KCNQ2: variants seen among roughly 807,000 people sequenced by gnomAD.
KCNQ2 encodes potassium voltage-gated channel subfamily KQT member 2.
A neutral mutation model predicts 84.8 loss-of-function variants in KCNQ2; 14 were observed. The ratio of observed to expected loss-of-function variants is 0.17; its 90% CI spans 0.11 to 0.26. KCNQ2 has a LOEUF of 0.26. Ranked by LOEUF, KCNQ2 falls within the 10% of genes least tolerant of loss-of-function variation. KCNQ2 has a pLI of 1.00. For synonymous variants in KCNQ2, 599 were observed against 554.1 expected (o/e 1.08, Z -1.14); for missense variants, 788 against 1,254.0 (o/e 0.63, Z 5.61).
chr20:63,411,123 T>C (rs141428932), intron 15 of KCNQ2: 228 of 411,248 alleles, frequency 5.5e-4, no homozygotes, highest in African/African-American at 4.3e-3. Context: ...TGCTGGCAGC[T>C]TGAAAGCCAG....
Position 63,407,321 on chromosome 20 carries a change from T to A in KCNQ2, c.1942A>T (p.Met648Leu), listed in dbSNP as rs761930903. 6.3e-7 allele frequency: 1 copy of A among 1,596,856 alleles called. No individual in the cohort carries two copies. The highest frequency in any genetic ancestry group is 1.1e-5 in the South Asian group (1 of 90,986). Reference sequence around the variant, plus strand: ...TCGGTCTCTGTCGGGGGGATGCCCATCCGCTGCATGTAGATATTCACCAGG... The same window carrying A: ...TCGGTCTCTGTCGGGGGGATGCCCAACCGCTGCATGTAGATATTCACCAGG... ...DFLVNIYMQR[M>L]GIPPTETEAY... The change falls in exon 17 of 17, where the codon ATG becomes TTG. Residue 648 changes from methionine (M) to leucine (L), a missense_variant. Coordinates refer to ENST00000359125, the MANE Select transcript of KCNQ2 (RefSeq NM_172107.4). This position sits in a 1 kb window ranked among gnomAD's most constrained non-coding sequence, Gnocchi z 7.2.
intron 1 of KCNQ2, chr20:63,470,746 A>G (rs987551215): frequency 2.6e-5 from 4 of 152,154 alleles, no homozygotes; most frequent in African/African-American, 9.7e-5. Flanking sequence ...GTACCGGCCC[A>G]CCAAGAGCCC....
intron 12 of KCNQ2, among the ~76,000 whole-genome samples, chr20:63,417,957 G>A (rs915631868): frequency 2.6e-5 from 4 of 152,090 alleles, no homozygotes; most frequent in East Asian, 1.9e-4. Flanking sequence ...CTGCTGTCCC[G>A]GGTCTCGGGC....
intron 4 of KCNQ2, 125 bp from the exon 5 acceptor site, chr20:63,442,656 C>CCACCATCACCACCACCAT: frequency 1.6e-6 from 1 of 610,672 alleles, no homozygotes. Flanking sequence ...ACCATCACCA[C>CCACCATCACCACCACCAT]CACCATCACC....
chr20:63,426,937 G>C (rs2080650742), intron 10 of KCNQ2, among the ~76,000 whole-genome samples: 1 of 152,172 alleles, frequency 6.6e-6, no homozygotes, highest in Non-Finnish European at 1.5e-5. Flanking sequence ...GAAGTCATCA[G>C]AGGCCGGGCA....
intron 11 of KCNQ2, among the ~76,000 whole-genome samples, chr20:63,420,596 C>T (rs2080438118): frequency 6.6e-6 from 1 of 152,178 alleles, no homozygotes; most frequent in African/African-American, 2.4e-5. Flanking sequence ...TCCCGTCTTC[C>T]TGCGCACACG....
rs529926829 is a variant in KCNQ2 at position 63,401,869 on chromosome 20, C to A, written c.*4775G>T. 4.9e-4 allele frequency: 93 copies of A among 189,034 alleles called. No homozygotes were observed. Among genetic ancestry groups the A allele is most frequent in the Non-Finnish European group, 8.3e-4 (75 of 90,068 alleles). 11.7% of individuals were successfully genotyped at this position (189,034 alleles called of 1,614,324 possible). A position where few individuals can be genotyped will look rare whatever the true frequency, so the allele number is the denominator to read the frequency against. Reference sequence around the variant, plus strand: ...CCATGGCAGGTCCAAGCCTTGTGAACCGTCCCTCTCACACGTCTGCCGGGC... The same window carrying A: ...CCATGGCAGGTCCAAGCCTTGTGAAACGTCCCTCTCACACGTCTGCCGGGC... On this transcript the variant is annotated 3_prime_UTR_variant, in exon 17 of 17. Transcript: ENST00000359125.
In KCNQ2 at chr20:63,414,153, G is replaced by C. The variant is rs2145548165; in HGVS notation, c.1566C>G (p.Ser522Arg). 1 of 1,613,748 alleles carries C rather than the reference G, an allele frequency of 6.2e-7. No homozygotes were observed. Among genetic ancestry groups the C allele is most frequent in the Non-Finnish European group, 8.5e-7 (1 of 1,179,964 alleles). Residue 522 changes from serine (S) to arginine (R), a missense_variant, in exon 14 of 17, where the codon AGC becomes AGG. Ser to Arg is a moderately radical substitution (Grantham distance 110, BLOSUM62 -1). Coordinates refer to ENST00000359125, the MANE Select transcript of KCNQ2 (RefSeq NM_172107.4). This position sits in a 1 kb window ranked among gnomAD's most constrained non-coding sequence, Gnocchi z 6.6. ...CCTCGGTCACAAACTCGCAGGGGCA[G>C]CTCTTGTCATCCACAATGTCCTCTC... is the stretch of plus-strand genomic sequence containing the variant. ...LPGEDIVDDK[S>R]CPCEFVTEDL... is the part of the protein sequence containing the mutation.
chr20:63,424,072 A>C, intron 11 of KCNQ2, 105 bp downstream of exon 11: 1 of 1,303,940 alleles, frequency 7.7e-7, no homozygotes, highest in Non-Finnish European at 1.1e-6. Flanking sequence ...ACGGAAGCAC[A>C]CACAAGGCCC....
chr20:63,413,424 G>C, intron 15 of KCNQ2, 26 bp downstream of exon 15: 1 of 1,612,838 alleles, frequency 6.2e-7, no homozygotes, highest in Non-Finnish European at 8.5e-7. Context: ...CTTGTCCCCT[G>C]CTGGACAGGC....
rs1000590463 is a variant in KCNQ2, at chr20:63,438,504, G to A, written c.1023+121C>T. On this transcript the variant is annotated intron_variant, in intron 7 of 16. Coordinates refer to ENST00000359125, the MANE Select transcript of KCNQ2 (RefSeq NM_172107.4). This position sits in a 1 kb window ranked among gnomAD's most constrained non-coding sequence, Gnocchi z 5.1. Reference sequence around the variant, plus strand: ...CGCTCCTTCCACAGATTCCTGCAGAGGGTGAGCGCTGTGGCCCATCCACAG... The same window carrying A: ...CGCTCCTTCCACAGATTCCTGCAGAAGGTGAGCGCTGTGGCCCATCCACAG... The A allele has an allele frequency of 3.9e-5, 32 of 820,474 alleles. No homozygotes were observed. The highest frequency in any genetic ancestry group is 2.5e-4 in the Admixed American group (14 of 55,234). 50.8% of individuals were successfully genotyped at this position (820,474 alleles called of 1,614,324 possible). A position where few individuals can be genotyped will look rare whatever the true frequency, so the allele number is the denominator to read the frequency against.
chr20:63,408,213 C>T lies in KCNQ2; in HGVS notation c.1887+200G>A. On this transcript the variant is annotated intron_variant, in intron 16 of 16. Coordinates refer to ENST00000359125, the MANE Select transcript of KCNQ2 (RefSeq NM_172107.4). This position sits in a 1 kb window ranked among gnomAD's most constrained non-coding sequence, Gnocchi z 5.0. ...CCTTGGGTACTGTCAGGAGGGAAGG[C>T]ACCCAGGCCGGGGGTGGGAGGCTCA... 1.5e-6 allele frequency: 1 copy of T among 661,270 alleles called. No individual in the cohort carries two copies. Among genetic ancestry groups the T allele is most frequent in the South Asian group, 1.9e-5 (1 of 53,852 alleles). 41.0% of individuals were successfully genotyped at this position (661,270 alleles called of 1,614,324 possible).
chr20:63,428,527 C>G (rs1224723114), intron 9 of KCNQ2, 92 bp from the exon 10 acceptor site: 2 of 1,129,628 alleles, frequency 1.8e-6, no homozygotes, highest in Non-Finnish European at 2.6e-6. Context: ...GGGCAGGCGC[C>G]TGCAGTGTCA....
rs2079984268 is a variant in KCNQ2, at chr20:63,407,463, A to G, written c.1888-88T>C. The stretch of plus-strand genomic sequence containing the variant: ...CTGCTCCCAGGAAATGGGGGGGCCC[A>G]GGCTGGTTCCAGGAAACAGGAGAGA... On this transcript the variant is annotated intron_variant, in intron 16 of 16. Transcript: ENST00000359125. The surrounding 1 kb of genome is among the most constrained non-coding windows in gnomAD (Gnocchi z 7.2). 2.1e-6 allele frequency: 3 copies of G among 1,447,532 alleles called. No homozygotes were observed. Among genetic ancestry groups the G allele is most frequent in the Non-Finnish European group, 2.8e-6 (3 of 1,064,256 alleles). 89.7% of individuals were successfully genotyped at this position (1,447,532 alleles called of 1,614,324 possible). A position where few individuals can be genotyped will look rare whatever the true frequency, so the allele number is the denominator to read the frequency against.
intron 1 of KCNQ2, among the ~76,000 whole-genome samples, chr20:63,463,247 C>T (rs1238212227): frequency 6.6e-6 from 1 of 152,100 alleles, no homozygotes; most frequent in South Asian, 2.1e-4. Flanking sequence ...GGCCACAGAG[C>T]GAGACCCCCA....
chr20:63,465,894 A>G (rs1000493005), intron 1 of KCNQ2, among the ~76,000 whole-genome samples: 14 of 152,140 alleles, frequency 9.2e-5, no homozygotes, highest in African/African-American at 2.7e-4. Context: ...AGGCGGCCTC[A>G]TGGCTGGGCG....
Position 63,406,712 on chromosome 20 carries a change from G to C in KCNQ2, c.2551C>G (p.Pro851Ala). The C allele has an allele frequency of 6.2e-7, 1 of 1,605,464 alleles. No individual in the cohort carries two copies. The highest frequency in any genetic ancestry group is 8.5e-7 in the Non-Finnish European group (1 of 1,177,080). The change falls in exon 17 of 17, where the codon CCC becomes GCC. Residue 851 changes from proline (P) to alanine (A), a missense_variant. Transcript: ENST00000359125. ...TCGCCGGTGGCCGAGCGTGGCGGGG[G>C]CCCGCACGGGGTACAGAGGTCGGAG... is the stretch of plus-strand genomic sequence containing the variant. ...TDSDLCTPCGPPPRSATGEGP... is the reference protein window; with the variant it reads ...TDSDLCTPCGAPPRSATGEGP...
At chr20:63,469,038 G>C (rs1214181130) in intron 1 of KCNQ2, among the ~76,000 whole-genome samples, 1 of 152,248 alleles carries the variant, frequency 6.6e-6, no homozygotes, top group Non-Finnish European at 1.5e-5. Context: ...CCCACACCCA[G>C]CAACCCACGC....
rs142582765 is a variant in KCNQ2, at chr20:63,468,308, C to T, written c.296+3860G>A. ...GTCTCTTTCTCGGCACACAATGCTCCGTCAGCAGAGACTGGACCCTGGTCC... is the reference window on the plus strand; with the variant it reads ...GTCTCTTTCTCGGCACACAATGCTCTGTCAGCAGAGACTGGACCCTGGTCC... On this transcript the variant is annotated intron_variant, in intron 1 of 16. Transcript: ENST00000359125. 5.1e-3 allele frequency among the ~76,000 whole-genome samples: 780 copies of T among 152,282 alleles called. 21 individuals carry two copies. The highest frequency in any genetic ancestry group is 0.044 in the Admixed American group (681 of 15,304).
Sources: gnomAD v4.1 joint callset for allele counts (sites outside exome capture counted in the v4.1 genomes callset) on GRCh38, gnomAD v4.1.1 for gene constraint, Gnocchi (gnomAD v3.1) non-coding constraint, MANE v1.5 for transcripts, NCBI Gene and HGNC (gene_info 2026-07-23, HGNC 2026-07-21) for gene names.